SYNE2: variants seen among roughly 807,000 people sequenced by gnomAD.
SYNE2 encodes nesprin-2.
In SYNE2, 431 loss-of-function variants were observed where a neutral mutation model predicts 856.3. The ratio of observed to expected loss-of-function variants is 0.50; its 90% CI spans 0.47 to 0.55. SYNE2 has a LOEUF of 0.55. Among genes scored for constraint, SYNE2 ranks in the 20% least tolerant of loss-of-function variants. The pLI is 0.00. For missense variants in SYNE2, 8,129 were observed against 8,023.2 expected (o/e 1.01, Z -0.50); for synonymous variants, 2,923 against 2,872.3 (o/e 1.02, Z -0.56).
intron 37 of SYNE2, among the ~76,000 whole-genome samples, chr14:64,022,468 C>G (rs145804429): frequency 1.3e-5 from 2 of 152,142 alleles, no homozygotes; most frequent in East Asian, 3.9e-4. Flanking sequence ...CGCGGTAGCT[C>G]ACGCCTGTAA....
chr14:64,037,661 AG>A (rs1450165963), intron 45 of SYNE2, among the ~76,000 whole-genome samples: 1 of 148,386 alleles, frequency 6.7e-6, no homozygotes, highest in African/African-American at 2.5e-5. Context: ...CCTCCCAGAC[AG>A]GGTGGTGGCC....
Position 64,216,240 on chromosome 14 carries a change from C to A in SYNE2, c.19403-8C>A. The A allele has an allele frequency of 6.2e-7, 1 of 1,614,140 alleles. No individual in the cohort carries two copies. On this transcript the variant is annotated splice_polypyrimidine_tract_variant and splice_region_variant and intron_variant, in intron 107 of 115. Coordinates refer to ENST00000555002, the MANE Select transcript of SYNE2 (RefSeq NM_182914.3). Reference sequence around the variant, plus strand: ...GAATAGACTGTCGCTTGCTGTCTTTCGTTTCAGGTAAATCCATTTCGGATG... The same window carrying A: ...GAATAGACTGTCGCTTGCTGTCTTTAGTTTCAGGTAAATCCATTTCGGATG...
chr14:64,113,519 C>T lies in SYNE2; in HGVS notation c.12788C>T (p.Thr4263Ile). 6.2e-7 allele frequency: 1 copy of T among 1,613,826 alleles called. No individual in the cohort carries two copies. The highest frequency in any genetic ancestry group is 8.5e-7 in the Non-Finnish European group (1 of 1,179,864). The change falls in exon 66 of 116, where the codon ACA becomes ATA. Residue 4263 changes from threonine to isoleucine, a missense_variant. Transcript: ENST00000555002. ...QQANVAVEPETLNADMQQVLE... is the reference protein window; with the variant it reads ...QQANVAVEPEILNADMQQVLE... ...GCCAACGTGGCAGTTGAGCCGGAAACATTAAACGCAGACATGCAGCAGGTG... is the reference window on the plus strand; with the variant it reads ...GCCAACGTGGCAGTTGAGCCGGAAATATTAAACGCAGACATGCAGCAGGTG...
chr14:63,812,433 C>T (rs1486609669), intron 1 of SYNE2, among the ~76,000 whole-genome samples: 1 of 152,136 alleles, frequency 6.6e-6, no homozygotes, highest in Admixed American at 6.6e-5. Context: ...ATTGTTCAAA[C>T]ACACGTTTTA....
At chr14:63,832,177 G>C (rs1422390945) in intron 1 of SYNE2, among the ~76,000 whole-genome samples, 35 of 152,042 alleles carry the variant, frequency 2.3e-4, no homozygotes. Flanking sequence ...AATTTAGCTT[G>C]GTTGTCAACT....
Position 64,132,356 on chromosome 14 carries a change from T to G in SYNE2, c.14432T>G (p.Phe4811Cys), listed in dbSNP as rs2098031053. The G allele has an allele frequency of 5.0e-6, 8 of 1,614,142 alleles. No homozygotes were observed. Among genetic ancestry groups the G allele is most frequent in the Non-Finnish European group, 5.9e-6 (7 of 1,180,024 alleles). Residue 4811 changes from phenylalanine (F) to cysteine (C), a missense_variant, in exon 77 of 116, where the codon TTT (phenylalanine) becomes TGT (cysteine). Around this residue, in one of 3 missense-constraint regions of SYNE2, gnomAD observed 5,410 missense variants for 5,284.8 expected, o/e 1.02. Transcript: ENST00000555002. Reference protein sequence around the residue: ...LPSLLQNRETFWAEQVTEVKI... With the variant: ...LPSLLQNRETCWAEQVTEVKI... ...TCTTTATTGCAAAACAGAGAGACAT[T>G]TTGGGCAGAACAAGTAACAGAAGTT...
In SYNE2 at chr14:64,132,447, G is replaced by C; in HGVS notation, c.14514+9G>C. ...TGCAGAGTTTGTTGCAGGTATTTGG[G>C]TTATGTAAACGTTGTACTGAAGCTG... is the stretch of plus-strand genomic sequence containing the variant. On this transcript the variant is annotated intron_variant, in intron 77 of 115. Transcript: ENST00000555002. 2.5e-6 allele frequency: 4 copies of C among 1,614,116 alleles called. No homozygotes were observed. In the South Asian group the frequency reaches 4.4e-5, roughly 18 times the overall value.
intron 85 of SYNE2, among the ~76,000 whole-genome samples, chr14:64,153,189 AAG>A (rs939059138): frequency 1.3e-5 from 2 of 152,224 alleles, no homozygotes; most frequent in African/African-American, 2.4e-5. Flanking sequence ...CATGGTGTTG[AAG>A]AGAGAGTATA....
chr14:64,196,873 A>G lies in SYNE2; in HGVS notation c.18039-5928A>G, dbSNP rs796754898. 3.9e-5 allele frequency: 6 copies of G among 152,264 alleles called. No homozygotes were observed. In the South Asian group the frequency reaches 1.2e-3, roughly 31 times the overall value. 9.4% of individuals were successfully genotyped at this position (152,264 alleles called of 1,614,324 possible). On this transcript the variant is annotated intron_variant, in intron 99 of 115. Coordinates refer to ENST00000555002, the MANE Select transcript of SYNE2 (RefSeq NM_182914.3). The stretch of plus-strand genomic sequence containing the variant: ...ACTGAGATTAAAAATTGCAGTTAGC[A>G]GGGGAGAAGGTGTCTTCCTTCCCGC...
At position 64,093,477 on chromosome 14, in the gene SYNE2, A is replaced by G. The variant is rs1408119670; in HGVS notation, c.12105A>G (p.Leu4035=). 1 of 1,614,092 alleles carries G rather than the reference A, an allele frequency of 6.2e-7. No individual in the cohort carries two copies. ...ACCAAGCTGACAAGCTGCCACAACTACAGGTATGTTTCTTTCATTCATAAA... is the reference window on the plus strand; with the variant it reads ...ACCAAGCTGACAAGCTGCCACAACTGCAGGTATGTTTCTTTCATTCATAAA... ...SPDQADKLPQ[L]QGEIERMEKQ... Residue 4035 remains leucine, a synonymous_variant, in exon 61 of 116, where the codon CTA becomes CTG. Transcript: ENST00000555002.
intron 111 of SYNE2, 189 bp from the exon 112 acceptor site, chr14:64,221,387 G>C: frequency 2.9e-6 from 3 of 1,035,210 alleles, no homozygotes; most frequent in East Asian, 2.4e-5. Flanking sequence ...ACTGTGCTGA[G>C]TGTCTTCCTT....
rs572846645 is a variant in SYNE2 at position 63,911,928 on chromosome 14, A to G, written c.79+2701A>G. 3.3e-5 allele frequency among the ~76,000 whole-genome samples: 5 copies of G among 152,316 alleles called. No individual in the cohort carries two copies. The East Asian group carries it at 7.7e-4, about 23-fold the overall frequency. ...ATCTGTTTTACAATTGGAGAGTAGT[A>G]TGGACTGTTTTGCAATGTAAATGTG... On this transcript the variant is annotated intron_variant, in intron 2 of 115. Coordinates refer to ENST00000555002, the MANE Select transcript of SYNE2 (RefSeq NM_182914.3).
At chr14:64,218,577 G>C (rs1392223616) in intron 109 of SYNE2, 65 bp downstream of exon 109, 13 of 1,478,176 alleles carry the variant, frequency 8.8e-6, no homozygotes, top group Non-Finnish European at 1.2e-5. Context: ...TTGCTCAAGA[G>C]AACATTCATT....
intron 95 of SYNE2, 84 bp from the exon 96 acceptor site, chr14:64,177,274 A>G: frequency 6.5e-7 from 1 of 1,526,806 alleles, no homozygotes; most frequent in South Asian, 1.1e-5. Flanking sequence ...TAGAAAGATT[A>G]TGTGGATTAA....
intron 84 of SYNE2, among the ~76,000 whole-genome samples, chr14:64,150,478 C>A (rs1173305499): frequency 6.6e-6 from 1 of 152,010 alleles, no homozygotes; most frequent in African/African-American, 2.4e-5. Context: ...GCCTTGGCCT[C>A]CCAAAGTGCT....
At chr14:63,808,213 C>A (rs899902261) in intron 1 of SYNE2, among the ~76,000 whole-genome samples, 8 of 142,802 alleles carry the variant, frequency 5.6e-5, no homozygotes, top group African/African-American at 2.0e-4. Flanking sequence ...CAGGTGTGAG[C>A]CACTGCACCC....
chr14:63,784,996 C>G (rs917820214), intron 1 of SYNE2, among the ~76,000 whole-genome samples: 1 of 151,936 alleles, frequency 6.6e-6, no homozygotes, highest in Non-Finnish European at 1.5e-5. Context: ...AGGAAAAACA[C>G]AAGCTCTTTG....
chr14:63,913,320 AGAAAG>A (rs2095495367), intron 2 of SYNE2, among the ~76,000 whole-genome samples: 1 of 152,146 alleles, frequency 6.6e-6, no homozygotes, highest in African/African-American at 2.4e-5. Context: ...GGTTAGGAAG[AGAAAG>A]GAATGGTATT....
intron 1 of SYNE2, among the ~76,000 whole-genome samples, chr14:63,837,800 T>G (rs908727375): frequency 6.6e-6 from 1 of 150,852 alleles, no homozygotes; most frequent in African/African-American, 2.4e-5. Flanking sequence ...GGGCCTGTAG[T>G]CCCAGCTGCT....
Sources: gnomAD v4.1 joint callset for allele counts (sites outside exome capture counted in the v4.1 genomes callset) on GRCh38, gnomAD v4.1.1 for gene constraint, gnomAD v4.1.1 regional missense constraint, MANE v1.5 for transcripts, NCBI Gene and HGNC (gene_info 2026-07-23, HGNC 2026-07-21) for gene names.